The following XKR4 variants were observed in gnomAD, a reference collection of about 807,000 sequenced individuals.
The protein encoded by XKR4 is XK related 4, also known as XK-related protein 4.
In XKR4, 12 loss-of-function variants were observed where a neutral mutation model predicts 53.9. The ratio of observed to expected loss-of-function variants is 0.22; its 90% CI spans 0.14 to 0.36. The LOEUF is 0.36. XKR4 is among the 10% of genes least tolerant of loss of function. XKR4 has a pLI of 1.00. For missense variants in XKR4, 799 were observed against 859.5 expected (o/e 0.93, Z 0.88); for synonymous variants, 354 against 362.4 (o/e 0.98, Z 0.26).
chr8:55,299,408 G>A (rs894925571), intron 1 of XKR4, among the ~76,000 whole-genome samples: 2 of 152,174 alleles, frequency 1.3e-5, no homozygotes, highest in African/African-American at 4.8e-5. Context: ...GTGAGACCAG[G>A]CAGGCCAGCC....
chr8:55,306,902 A>G (rs1478321882), intron 1 of XKR4, among the ~76,000 whole-genome samples: 1 of 151,696 alleles, frequency 6.6e-6, no homozygotes, highest in African/African-American at 2.4e-5. Flanking sequence ...TTGAATTACT[A>G]TTTAAGGTGT....
chr8:55,203,113 C>T lies in XKR4; in HGVS notation c.806+99819C>T, dbSNP rs536045950. On this transcript the variant is annotated intron_variant, in intron 1 of 2. Transcript: ENST00000327381. ...TGGCACAGAATAGCTACCAGGGTGT[C>T]GGATAAAATGACAGACATGTGTGCC... Among the ~76,000 whole-genome samples, 6 of 152,324 alleles carry T rather than the reference C, an allele frequency of 3.9e-5. 1 individual carries two copies. Among genetic ancestry groups the T allele is most frequent in the African/African-American group, 9.6e-5 (4 of 41,568 alleles).
At chr8:55,452,154 A>T in intron 2 of XKR4, 2 of 714,094 alleles carry the variant, frequency 2.8e-6, no homozygotes, top group Non-Finnish European at 2.5e-6. Flanking sequence ...CAGCTTATGC[A>T]GCTGCTTGCA....
At chr8:55,269,839 T>C (rs1310414370) in intron 1 of XKR4, among the ~76,000 whole-genome samples, 1 of 152,150 alleles carries the variant, frequency 6.6e-6, no homozygotes, top group Non-Finnish European at 1.5e-5. Context: ...AATAATGGCA[T>C]TGAGGGACCC....
At chr8:55,249,355 T>A (rs766793519) in intron 1 of XKR4, among the ~76,000 whole-genome samples, 9 of 152,156 alleles carry the variant, frequency 5.9e-5, no homozygotes, top group Non-Finnish European at 1.0e-4. Flanking sequence ...GCAACATCAG[T>A]CTCCTTTCTG....
chr8:55,437,502 C>G (rs1050447624), intron 2 of XKR4, among the ~76,000 whole-genome samples: 4 of 152,190 alleles, frequency 2.6e-5, no homozygotes, highest in African/African-American at 9.6e-5. Flanking sequence ...AATTACGTTC[C>G]TAGCTACCTA....
At chr8:55,453,070 T>C in intron 2 of XKR4, 1 of 583,492 alleles carries the variant, frequency 1.7e-6, no homozygotes, top group Non-Finnish European at 3.3e-6. Flanking sequence ...GGCTGGGGCC[T>C]GATCCTCGGT....
Position 55,478,157 on chromosome 8 carries a change from C to T in XKR4, c.1007-45124C>T, listed in dbSNP as rs533568356. 3.9e-3 allele frequency among the ~76,000 whole-genome samples: 588 copies of T among 152,148 alleles called. 2 individuals are homozygous for T. The highest frequency in any genetic ancestry group is 6.1e-3 in the Admixed American group (93 of 15,278). ...GTTAAGGGCAGCCAGAGAGAAAGGC[C>T]GGGTTACCCAAAAAGGGAAGCCCAT... On this transcript the variant is annotated intron_variant, in intron 2 of 2. Transcript: ENST00000327381.
rs1805999484 is a variant in XKR4, at chr8:55,476,991, A to G, written c.1007-46290A>G. Among the ~76,000 whole-genome samples, 3 of 152,272 alleles carry G rather than the reference A, an allele frequency of 2.0e-5. No homozygotes were observed. In the South Asian group the frequency reaches 6.2e-4, roughly 32 times the overall value. The stretch of plus-strand genomic sequence containing the variant: ...GCAGGGCACAGACAAACAAAAAGAC[A>G]GCAGTAACCTCTGCAGACAAAAATG... On this transcript the variant is annotated intron_variant, in intron 2 of 2. Transcript: ENST00000327381.
intron 1 of XKR4, among the ~76,000 whole-genome samples, chr8:55,304,211 T>C (rs1160659403): frequency 2.0e-5 from 3 of 152,346 alleles, no homozygotes; most frequent in East Asian, 1.9e-4. Context: ...TTTGTTCTCA[T>C]TGGTTTCAAA....
intron 2 of XKR4, among the ~76,000 whole-genome samples, chr8:55,447,624 C>G (rs1043274181): frequency 9.9e-5 from 15 of 152,218 alleles, no homozygotes; most frequent in Admixed American, 2.0e-4. Context: ...GATATCTGTC[C>G]ACTACTGTAT....
intron 2 of XKR4, among the ~76,000 whole-genome samples, chr8:55,443,213 C>G (rs1035099472): frequency 6.6e-5 from 10 of 151,802 alleles, no homozygotes; most frequent in African/African-American, 2.2e-4. Context: ...AACATGGACA[C>G]AGAAATTATA....
intron 1 of XKR4, among the ~76,000 whole-genome samples, chr8:55,202,250 A>G (rs892296675): frequency 6.6e-6 from 1 of 152,312 alleles, no homozygotes; most frequent in African/African-American, 2.4e-5. Flanking sequence ...TCGATATGTC[A>G]TTACAGCCAG....
chr8:55,299,135 TCTTTCATTACATTGAC>T (rs1819143835), intron 1 of XKR4, among the ~76,000 whole-genome samples: 1 of 152,212 alleles, frequency 6.6e-6, no homozygotes, highest in Non-Finnish European at 1.5e-5. Flanking sequence ...GGTTTATTTC[TCTTTCATTACATTGAC>T]ATTTTGGAGA....
chr8:55,519,734 T>C (rs1806771281), intron 2 of XKR4, among the ~76,000 whole-genome samples: 1 of 152,164 alleles, frequency 6.6e-6, no homozygotes, highest in Non-Finnish European at 1.5e-5. Context: ...GTTAAATTGA[T>C]TGAAGTTGAT....
At chr8:55,182,430 A>C (rs1817323693) in intron 1 of XKR4, among the ~76,000 whole-genome samples, 1 of 152,078 alleles carries the variant, frequency 6.6e-6, no homozygotes, top group Non-Finnish European at 1.5e-5. Flanking sequence ...AAAGTTTCAT[A>C]GTTTTATGTT....
At chr8:55,454,394 A>T in intron 2 of XKR4, 1 of 1,410,424 alleles carries the variant, frequency 7.1e-7, no homozygotes. Flanking sequence ...TCTGAGAGGA[A>T]ACAGCAATGC....
chr8:55,172,083 G>A (rs999129360), intron 1 of XKR4, among the ~76,000 whole-genome samples: 40 of 151,996 alleles, frequency 2.6e-4, no homozygotes, highest in African/African-American at 8.7e-4. Flanking sequence ...GCGTGGTGCC[G>A]CATTCCTGTA....
intron 1 of XKR4, among the ~76,000 whole-genome samples, chr8:55,289,705 G>T: frequency 9.0e-6 from 1 of 110,502 alleles, no homozygotes; most frequent in Admixed American, 1.0e-4. Flanking sequence ...GAGAAAGAAA[G>T]AAAGAAAGAG....
Sources: allele counts gnomAD v4.1 joint callset (sites outside exome capture counted in the v4.1 genomes callset), GRCh38; gene constraint gnomAD v4.1.1; transcripts MANE v1.5; gene names NCBI Gene and HGNC (gene_info 2026-07-23, HGNC 2026-07-21).